Variants in ZNF362 observed in about 807,000 individuals in gnomAD.
ZNF362 encodes the protein rotund homolog.
A neutral mutation model predicts 42.9 loss-of-function variants in ZNF362; 11 were observed. That is an observed-to-expected ratio of 0.26 (90% CI 0.16 to 0.42). ZNF362 has a LOEUF of 0.42. ZNF362 is among the 20% of genes least tolerant of loss of function. The pLI is 1.00. For missense variants in ZNF362, 362 were observed against 576.2 expected, an observed-to-expected ratio of 0.63 and a Z score of 3.81; for synonymous variants, 255 against 257.3, an observed-to-expected ratio of 0.99 and a Z score of 0.09.
the ZNF362 span, among the ~76,000 whole-genome samples, chr1:33,228,702 A>G: frequency 6.6e-6 from 1 of 152,120 alleles, no homozygotes; most frequent in Non-Finnish European, 1.5e-5. Flanking sequence ...GCCACTCTGG[A>G]AGCCATCACC....
At chr1:33,176,353 C>T in the ZNF362 span, 3 of 660,884 alleles carry the variant, frequency 4.5e-6, no homozygotes, top group African/African-American at 5.3e-5. Flanking sequence ...GCCCCCAGCC[C>T]CCTCCCTCCT....
At chr1:33,182,414 A>G in the ZNF362 span, among the ~76,000 whole-genome samples, 2 of 152,264 alleles carry the variant, frequency 1.3e-5, no homozygotes, top group Non-Finnish European at 2.9e-5. Context: ...CATAAAATAT[A>G]AAGATAAAAC....
chr1:33,300,362 T>C lies in ZNF362; in HGVS notation c.*1316T>C, dbSNP rs892283622. ...ACTTGCGTCGTCTGATACTCAGTAT[T>C]GTAGCTTTTTGTCCGCATGTTACTC... On this transcript the variant is annotated 3_prime_UTR_variant, in exon 9 of 9. Coordinates refer to ENST00000539719, the MANE Select transcript of ZNF362 (RefSeq NM_152493.3). The C allele has an allele frequency of 1.4e-5, 2 of 144,692 alleles. No individual in the cohort carries two copies. Among genetic ancestry groups the C allele is most frequent in the African/African-American group, 5.1e-5 (2 of 39,012 alleles). 9.0% of individuals were successfully genotyped at this position (144,692 alleles called of 1,614,324 possible).
chr1:33,243,318 G>A, the ZNF362 span, among the ~76,000 whole-genome samples: 2 of 151,514 alleles, frequency 1.3e-5, no homozygotes, highest in East Asian at 3.9e-4. Context: ...GGGACCACAG[G>A]TGCACCCGCC....
At chr1:33,227,619 C>T in the ZNF362 span, among the ~76,000 whole-genome samples, 2 of 152,156 alleles carry the variant, frequency 1.3e-5, no homozygotes, top group African/African-American at 4.8e-5. Flanking sequence ...TAAACCATTC[C>T]TACAGTGCTC....
the ZNF362 span, among the ~76,000 whole-genome samples, chr1:33,249,306 G>A: frequency 2.6e-5 from 4 of 152,224 alleles, no homozygotes; most frequent in Non-Finnish European, 5.9e-5. Flanking sequence ...TTGTGTGGCT[G>A]GAGCACCGAG....
chr1:33,230,559 G>T, the ZNF362 span, among the ~76,000 whole-genome samples: 4 of 152,214 alleles, frequency 2.6e-5, no homozygotes, highest in Non-Finnish European at 4.4e-5. Context: ...CATGTGTCGG[G>T]CCCAGTGCTA....
At chr1:33,194,394 G>A in the ZNF362 span, among the ~76,000 whole-genome samples, 1 of 151,772 alleles carries the variant, frequency 6.6e-6, no homozygotes, top group South Asian at 2.1e-4. Flanking sequence ...AAAATTAGCC[G>A]GGCATGGTGG....
chr1:33,276,735 A>G (rs12078972), intron 4 of ZNF362, 141 bp downstream of exon 4: 1,099,774 of 1,101,226 alleles, frequency 1, 549,175 homozygotes, highest in East Asian at 1. Flanking sequence ...TAAAGCTTGG[A>G]GTGGCGGGGT....
chr1:33,177,079 A>G, the ZNF362 span, among the ~76,000 whole-genome samples: 1 of 145,406 alleles, frequency 6.9e-6, no homozygotes, highest in Non-Finnish European at 1.5e-5. The surrounding 1 kb of genome is among the most constrained non-coding windows in gnomAD (Gnocchi z 4.1). Context: ...ACACACACAC[A>G]TGCATGCACA....
At chr1:33,291,545 C>T in intron 6 of ZNF362, among the ~76,000 whole-genome samples, 1 of 152,170 alleles carries the variant, frequency 6.6e-6, no homozygotes, top group Non-Finnish European at 1.5e-5. Context: ...CTTGGCAATG[C>T]AGGCTCTTTT....
At chr1:33,244,532 T>C in the ZNF362 span, among the ~76,000 whole-genome samples, 1 of 152,188 alleles carries the variant, frequency 6.6e-6, no homozygotes, top group African/African-American at 2.4e-5. This position sits in a 1 kb window ranked among gnomAD's most constrained non-coding sequence, Gnocchi z 4.0. Context: ...TGAGCGAAAG[T>C]CCTTCAGTTC....
intron 2 of ZNF362, among the ~76,000 whole-genome samples, chr1:33,274,649 G>A (rs921789239): frequency 6.6e-6 from 1 of 152,196 alleles, no homozygotes; most frequent in Admixed American, 6.5e-5. Flanking sequence ...TGGGAGTGAG[G>A]GGTAAGGACA....
the ZNF362 span, among the ~76,000 whole-genome samples, chr1:33,208,564 A>G: frequency 1.3e-5 from 2 of 152,182 alleles, no homozygotes; most frequent in East Asian, 3.8e-4. Flanking sequence ...ATCCATGAGC[A>G]TGGAATGTTC....
At chr1:33,178,968 A>C in the ZNF362 span, among the ~76,000 whole-genome samples, 1 of 152,248 alleles carries the variant, frequency 6.6e-6, no homozygotes, top group Non-Finnish European at 1.5e-5. Context: ...AGGTCAGACA[A>C]GGAGGGGAGA....
At chr1:33,279,021 T>C (rs1645971134) in intron 4 of ZNF362, among the ~76,000 whole-genome samples, 1 of 152,174 alleles carries the variant, frequency 6.6e-6, no homozygotes, top group Non-Finnish European at 1.5e-5. Flanking sequence ...TTAAAATTTA[T>C]TTAAATTAAT....
chr1:33,258,601 C>T (rs914394342), intron 1 of ZNF362, among the ~76,000 whole-genome samples: 12 of 152,100 alleles, frequency 7.9e-5, no homozygotes, highest in African/African-American at 2.7e-4. Context: ...GAGACCGGGA[C>T]CTGGGTGTTC....
the ZNF362 span, among the ~76,000 whole-genome samples, chr1:33,233,427 A>G: frequency 1.3e-5 from 2 of 149,616 alleles, no homozygotes; most frequent in Non-Finnish European, 3.0e-5. Context: ...TTTTTGAAAC[A>G]GAGTCTCGCT....
chr1:33,145,160 GC>G, the ZNF362 span, among the ~76,000 whole-genome samples: 73 of 152,334 alleles, frequency 4.8e-4, no homozygotes, highest in African/African-American at 1.6e-3. Flanking sequence ...AAGACTGACA[GC>G]CTTCCCTGGC....
Sources: allele counts gnomAD v4.1 joint callset (sites outside exome capture counted in the v4.1 genomes callset), GRCh38; gene constraint gnomAD v4.1.1; non-coding constraint Gnocchi (gnomAD v3.1); transcripts MANE v1.5; gene names NCBI Gene and HGNC (gene_info 2026-07-23, HGNC 2026-07-21).